The following PDZRN4 variants were observed in gnomAD, a reference collection of about 807,000 sequenced individuals.
PDZRN4 encodes PDZ domain-containing RING finger protein 4.
A neutral mutation model predicts 99.0 loss-of-function variants in PDZRN4; 70 were observed. That is an observed-to-expected ratio of 0.71 (90% CI 0.58 to 0.86). The LOEUF is 0.86. Among genes scored for constraint, PDZRN4 ranks in the 40% least tolerant of loss-of-function variants. PDZRN4 has a pLI of 0.00. For synonymous variants in PDZRN4, 551 were observed against 501.6 expected (o/e 1.10, Z -1.32); for missense variants, 1,474 against 1,331.2 (o/e 1.11, Z -1.67).
chr12:41,296,202 G>C (rs1951492600), intron 3 of PDZRN4, among the ~76,000 whole-genome samples: 1 of 152,150 alleles, frequency 6.6e-6, no homozygotes, highest in South Asian at 2.1e-4. Context: ...TTTTAAACAA[G>C]TGGGATCAAG....
intron 3 of PDZRN4, among the ~76,000 whole-genome samples, chr12:41,409,220 C>T (rs1396882721): frequency 6.6e-6 from 1 of 152,060 alleles, no homozygotes; most frequent in East Asian, 1.9e-4. Context: ...TTAAATACCT[C>T]TTATTTCTAG....
intron 3 of PDZRN4, among the ~76,000 whole-genome samples, chr12:41,503,792 T>G (rs1224052778): frequency 2.0e-5 from 3 of 152,174 alleles, no homozygotes; most frequent in African/African-American, 7.2e-5. Context: ...ACTTTGTGCA[T>G]TAGTAGAATT....
chr12:41,313,836 A>G (rs1057342823), intron 3 of PDZRN4, among the ~76,000 whole-genome samples: 1 of 152,222 alleles, frequency 6.6e-6, no homozygotes, highest in African/African-American at 2.4e-5. Flanking sequence ...ATGATTTTGA[A>G]CACCTTTAAT....
In PDZRN4 at chr12:41,573,718, A is replaced by G. The variant is rs752734523; in HGVS notation, c.2939A>G (p.Glu980Gly). 25 of 1,613,782 alleles carry G rather than the reference A, an allele frequency of 1.5e-5. No individual in the cohort carries two copies. The highest frequency in any genetic ancestry group is 2.0e-5 in the Non-Finnish European group (24 of 1,179,952). ...AAGGAGAGCCCTCAGAGCGGCAGTG[A>G]GGGCAAGAAGGAGATCAATATCATT... The part of the protein sequence containing the change: ...CLKESPQSGS[E>G]GKKEINIIEL... Residue 980 changes from glutamate to glycine, a missense_variant, in exon 10 of 10, where the codon GAG (glutamate) becomes GGG (glycine). By Grantham distance (98) the Glu-to-Gly change is moderately conservative. Coordinates refer to ENST00000402685, the MANE Select transcript of PDZRN4 (RefSeq NM_001164595.2).
At chr12:41,305,208 C>T (rs1317329354) in intron 3 of PDZRN4, among the ~76,000 whole-genome samples, 4 of 152,198 alleles carry the variant, frequency 2.6e-5, no homozygotes, top group African/African-American at 7.2e-5. Context: ...ACACGTTTCA[C>T]TCTTTTCCCT....
chr12:41,514,027 A>C (rs1159371321), intron 5 of PDZRN4, among the ~76,000 whole-genome samples: 1 of 152,112 alleles, frequency 6.6e-6, no homozygotes, highest in Non-Finnish European at 1.5e-5. Flanking sequence ...CAGGCAAAGA[A>C]ACATATACAA....
intron 5 of PDZRN4, among the ~76,000 whole-genome samples, chr12:41,550,211 G>GA (rs1939028790): frequency 1.3e-5 from 2 of 152,168 alleles, no homozygotes; most frequent in African/African-American, 4.8e-5. Context: ...GTCCCCCGCT[G>GA]AAAATGTCTT....
At position 41,573,589 on chromosome 12, in the gene PDZRN4, T is replaced by C. The variant is rs1565620210; in HGVS notation, c.2810T>C (p.Met937Thr). Residue 937 changes from methionine to threonine, a missense_variant, in exon 10 of 10, where the codon ATG becomes ACG. Coordinates refer to ENST00000402685, the MANE Select transcript of PDZRN4 (RefSeq NM_001164595.2). Reference protein sequence around the residue: ...TDDDTMSEMKMGRYWSKEERK... With the variant: ...TDDDTMSEMKTGRYWSKEERK... ...GATGACACCATGAGCGAGATGAAAA[T>C]GGGGCGCTACTGGAGCAAAGAGGAG... 1.2e-6 allele frequency: 2 copies of C among 1,612,142 alleles called. No individual in the cohort carries two copies. Among genetic ancestry groups the C allele is most frequent in the Non-Finnish European group, 1.7e-6 (2 of 1,179,436 alleles).
intron 3 of PDZRN4, among the ~76,000 whole-genome samples, chr12:41,448,692 A>T (rs1397841438): frequency 6.6e-6 from 1 of 152,178 alleles, no homozygotes; most frequent in Non-Finnish European, 1.5e-5. Flanking sequence ...TAAAATCATT[A>T]AAGAAACTAC....
chr12:41,235,568 A>G (rs1185735115), intron 3 of PDZRN4, among the ~76,000 whole-genome samples: 3 of 152,150 alleles, frequency 2.0e-5, no homozygotes, highest in Non-Finnish European at 4.4e-5. Flanking sequence ...AACTAGACAC[A>G]TAAGTTAATT....
chr12:41,390,293 A>G (rs1460100656), intron 3 of PDZRN4, among the ~76,000 whole-genome samples: 1 of 152,110 alleles, frequency 6.6e-6, no homozygotes, highest in Non-Finnish European at 1.5e-5. Context: ...TTATGTTCAA[A>G]TGAATATTAA....
intron 3 of PDZRN4, among the ~76,000 whole-genome samples, chr12:41,433,134 C>T (rs1952599183): frequency 6.6e-6 from 1 of 152,188 alleles, no homozygotes; most frequent in African/African-American, 2.4e-5. Context: ...ACATCTTTAA[C>T]CACAAGCCAT....
At chr12:41,246,114 T>C (rs999116386) in intron 3 of PDZRN4, among the ~76,000 whole-genome samples, 5 of 152,202 alleles carry the variant, frequency 3.3e-5, no homozygotes, top group Non-Finnish European at 7.4e-5. Context: ...GTAGGGAGAT[T>C]TCTCAGAAAA....
intron 3 of PDZRN4, among the ~76,000 whole-genome samples, chr12:41,467,886 G>A (rs1952943972): frequency 1.3e-5 from 2 of 152,086 alleles, no homozygotes; most frequent in Admixed American, 1.3e-4. Context: ...TGGTAAACTA[G>A]TTGCTATTCT....
chr12:41,360,326 T>C (rs983822229), intron 3 of PDZRN4, among the ~76,000 whole-genome samples: 11 of 152,034 alleles, frequency 7.2e-5, no homozygotes, highest in African/African-American at 2.7e-4. Context: ...CCATAACCAA[T>C]AAAATTATTA....
At chr12:41,378,096 G>T (rs1242250997) in intron 3 of PDZRN4, among the ~76,000 whole-genome samples, 1 of 152,164 alleles carries the variant, frequency 6.6e-6, no homozygotes, top group East Asian at 1.9e-4. Flanking sequence ...TGCTGAAGAT[G>T]ATGTTAGCTG....
chr12:41,319,515 AGCCACCGCTCCTCCTCAAT>A (rs888853663), intron 3 of PDZRN4, among the ~76,000 whole-genome samples: 1 of 152,026 alleles, frequency 6.6e-6, no homozygotes, highest in Non-Finnish European at 1.5e-5. Flanking sequence ...CCTTAAAACC[AGCCACCGCTCCTCCTCAAT>A]GCCACATCTA....
chr12:41,318,694 G>T (rs12297943), intron 3 of PDZRN4, among the ~76,000 whole-genome samples: 1 of 152,146 alleles, frequency 6.6e-6, no homozygotes, highest in African/African-American at 2.4e-5. Context: ...AAGCACACCA[G>T]ATTCTAATGA....
Position 41,573,908 on chromosome 12 carries a change from A to G in PDZRN4, c.*18A>G. The G allele has an allele frequency of 6.7e-7, 1 of 1,500,930 alleles. No individual in the cohort carries two copies. Among genetic ancestry groups the G allele is most frequent in the East Asian group, 2.3e-5 (1 of 44,060 alleles). 93.0% of individuals were successfully genotyped at this position (1,500,930 alleles called of 1,614,324 possible). A position where few individuals can be genotyped will look rare whatever the true frequency, so the allele number is the denominator to read the frequency against. Reference sequence around the variant, plus strand: ...CTGTATGACCGAATGAATGGAATGCATGCGACTGATTTTAGGAGGATGCTA... The same window carrying G: ...CTGTATGACCGAATGAATGGAATGCGTGCGACTGATTTTAGGAGGATGCTA... On this transcript the variant is annotated 3_prime_UTR_variant, in exon 10 of 10. Transcript: ENST00000402685.
Sources: gnomAD v4.1 joint callset for allele counts (sites outside exome capture counted in the v4.1 genomes callset) on GRCh38, gnomAD v4.1.1 for gene constraint, MANE v1.5 for transcripts, NCBI Gene and HGNC (gene_info 2026-07-23, HGNC 2026-07-21) for gene names.